NDUFAF2: variants seen among roughly 807,000 people sequenced by gnomAD.
The protein encoded by NDUFAF2 is NADH:ubiquinone oxidoreductase complex assembly factor 2, also known as NADH dehydrogenase [ubiquinone] 1 alpha subcomplex assembly factor 2.
NDUFAF2 carries 13 observed loss-of-function variants against 22.8 expected under a neutral mutation model. The observed-to-expected ratio is 0.57, with a 90% CI of 0.37 to 0.91. The LOEUF is 0.91. Among genes scored for constraint, NDUFAF2 ranks in the 40% least tolerant of loss-of-function variants. The pLI is 0.01. For missense variants in NDUFAF2, 162 were observed against 195.2 expected (o/e 0.83, Z 1.01); for synonymous variants, 53 against 64.2 (o/e 0.83, Z 0.84).
In NDUFAF2 at chr5:61,064,145, A is replaced by G. The variant is rs190022784; in HGVS notation, c.128-8980A>G. Reference sequence around the variant, plus strand: ...CAAGTGAAAAACTATTGCAAGAAACAAAGAAGGTCATTAGTTAATGATAAA... The same window carrying G: ...CAAGTGAAAAACTATTGCAAGAAACGAAGAAGGTCATTAGTTAATGATAAA... On this transcript the variant is annotated intron_variant, in intron 1 of 3. Coordinates refer to ENST00000296597, the MANE Select transcript of NDUFAF2 (RefSeq NM_174889.5). 3.3e-5 allele frequency among the ~76,000 whole-genome samples: 5 copies of G among 152,234 alleles called. No homozygotes were observed. The East Asian group carries it at 7.7e-4, about 24-fold the overall frequency.
At chr5:60,994,116 G>A (rs1487471552) in intron 1 of NDUFAF2, among the ~76,000 whole-genome samples, 2 of 152,226 alleles carry the variant, frequency 1.3e-5, no homozygotes, top group Admixed American at 6.5e-5. Context: ...GCGGGGGCTG[G>A]CATGTCAGCA....
rs1445926551 is a variant in NDUFAF2, at chr5:61,002,627, A to C, written c.127+57245A>C. 2.0e-5 allele frequency among the ~76,000 whole-genome samples: 3 copies of C among 152,132 alleles called. No individual in the cohort carries two copies. The East Asian group carries it at 5.8e-4, about 29-fold the overall frequency. On this transcript the variant is annotated intron_variant, in intron 1 of 3. Transcript: ENST00000296597. Reference sequence around the variant, plus strand: ...TGTCTGTTCTCTCACCAGGAGACTAAAACATTGTGCAGATGTACAGTTGGA... The same window carrying C: ...TGTCTGTTCTCTCACCAGGAGACTACAACATTGTGCAGATGTACAGTTGGA...
At chr5:61,065,996 G>T (rs1752222828) in intron 1 of NDUFAF2, among the ~76,000 whole-genome samples, 3 of 151,870 alleles carry the variant, frequency 2.0e-5, no homozygotes, top group African/African-American at 7.2e-5. Flanking sequence ...AATGAATTCA[G>T]TAAAGTTACA....
At chr5:60,954,734 C>T (rs1015682767) in intron 1 of NDUFAF2, among the ~76,000 whole-genome samples, 8 of 151,804 alleles carry the variant, frequency 5.3e-5, no homozygotes, top group Non-Finnish European at 8.8e-5. Context: ...CATGAGCCAC[C>T]GTGCTCTGCT....
chr5:61,090,009 C>A (rs80067515), intron 2 of NDUFAF2, among the ~76,000 whole-genome samples: 1 of 151,216 alleles, frequency 6.6e-6, no homozygotes, highest in Non-Finnish European at 1.5e-5. Context: ...CTCATGGTGA[C>A]GATAAGTGTG....
At chr5:61,117,738 T>G (rs760415160) in intron 3 of NDUFAF2, among the ~76,000 whole-genome samples, 32 of 152,164 alleles carry the variant, frequency 2.1e-4, no homozygotes, top group Non-Finnish European at 4.6e-4. Context: ...CAGTGGCAAT[T>G]TTTTTCGGCA....
intron 1 of NDUFAF2, among the ~76,000 whole-genome samples, chr5:60,981,296 C>G (rs1435937157): frequency 6.6e-6 from 1 of 152,026 alleles, no homozygotes; most frequent in African/African-American, 2.4e-5. Context: ...ATTTAACATG[C>G]TGAAAGAAAA....
intron 3 of NDUFAF2, among the ~76,000 whole-genome samples, chr5:61,111,578 A>G (rs1752840917): frequency 6.6e-6 from 1 of 151,946 alleles, no homozygotes; most frequent in Admixed American, 6.6e-5. Context: ...CTGGGACCAC[A>G]GGTGCTCGCC....
In NDUFAF2 at chr5:61,054,567, A is replaced by G. The variant is rs1035860355; in HGVS notation, c.128-18558A>G. On this transcript the variant is annotated intron_variant, in intron 1 of 3. Transcript: ENST00000296597. ...CAAATCTCAGTAGCATTCAGTAACG[A>G]TTTCTAGAACTGAGATACAGGGCAA... Among the ~76,000 whole-genome samples the G allele has an allele frequency of 2.6e-4, 39 of 152,280 alleles. 1 individual carries two copies. Among genetic ancestry groups the G allele is most frequent in the African/African-American group, 8.7e-4 (36 of 41,566 alleles).
intron 1 of NDUFAF2, among the ~76,000 whole-genome samples, chr5:61,013,879 A>G (rs1751472926): frequency 6.6e-6 from 1 of 152,230 alleles, no homozygotes; most frequent in African/African-American, 2.4e-5. Context: ...ACCTTTATAG[A>G]CACGCTAACT....
chr5:61,022,580 T>G (rs1751597871), intron 1 of NDUFAF2, among the ~76,000 whole-genome samples: 1 of 152,224 alleles, frequency 6.6e-6, no homozygotes, highest in African/African-American at 2.4e-5. Context: ...TGACCTGTCC[T>G]TTGCTGGTTG....
At chr5:61,146,226 G>A (rs1489505462) in intron 3 of NDUFAF2, 2 of 152,142 alleles carry the variant, frequency 1.3e-5, no homozygotes, top group Non-Finnish European at 2.9e-5. Flanking sequence ...AATCCGTATT[G>A]GTATTTTCAA....
At chr5:61,035,161 G>A (rs1751782200) in intron 1 of NDUFAF2, among the ~76,000 whole-genome samples, 1 of 151,528 alleles carries the variant, frequency 6.6e-6, no homozygotes, top group Non-Finnish European at 1.5e-5. Context: ...CTGAACCCCG[G>A]GCTCAAGCGA....
chr5:61,144,683 A>G (rs369568511), intron 3 of NDUFAF2, among the ~76,000 whole-genome samples: 15 of 152,110 alleles, frequency 9.9e-5, no homozygotes, highest in Admixed American at 2.0e-4. Flanking sequence ...CCTTTCCCCA[A>G]TACTCATCAA....
At chr5:61,120,127 A>G (rs1752958712) in intron 3 of NDUFAF2, among the ~76,000 whole-genome samples, 1 of 152,230 alleles carries the variant, frequency 6.6e-6, no homozygotes, top group South Asian at 2.1e-4. Context: ...CTTGAAACAT[A>G]GTAACAAAAC....
intron 1 of NDUFAF2, among the ~76,000 whole-genome samples, chr5:60,951,434 G>A (rs1230880656): frequency 6.6e-6 from 1 of 152,252 alleles, no homozygotes; most frequent in East Asian, 1.9e-4. Flanking sequence ...AAGTTTTGGC[G>A]ATTATGAATA....
intron 1 of NDUFAF2, among the ~76,000 whole-genome samples, chr5:61,002,431 T>C (rs1269904011): frequency 6.6e-6 from 1 of 152,176 alleles, no homozygotes; most frequent in African/African-American, 2.4e-5. Context: ...CAGAATAGAC[T>C]ACATGTAATT....
intron 1 of NDUFAF2, among the ~76,000 whole-genome samples, chr5:61,066,171 C>T (rs1752225802): frequency 2.0e-5 from 3 of 151,712 alleles, no homozygotes; most frequent in South Asian, 2.1e-4. Flanking sequence ...AATCTGTACA[C>T]CAAAAACTAT....
At chr5:60,969,210 G>A (rs892386914) in intron 1 of NDUFAF2, among the ~76,000 whole-genome samples, 1 of 152,008 alleles carries the variant, frequency 6.6e-6, no homozygotes, top group East Asian at 1.9e-4. Flanking sequence ...CTGTTTTCCT[G>A]TCTTTTGGGT....
Sources: allele counts gnomAD v4.1 joint callset (sites outside exome capture counted in the v4.1 genomes callset), GRCh38; gene constraint gnomAD v4.1.1; transcripts MANE v1.5; gene names NCBI Gene and HGNC (gene_info 2026-07-23, HGNC 2026-07-21).